RFX2: variants seen among roughly 807,000 people sequenced by gnomAD.
The protein encoded by RFX2 is DNA-binding protein RFX2.
Under a neutral mutation model 87.8 loss-of-function variants are expected in RFX2, and 20 were observed. The observed-to-expected ratio is 0.23, with a 90% CI of 0.16 to 0.33. The LOEUF (loss-of-function observed/expected upper bound fraction) is 0.33. Ranked by LOEUF, RFX2 falls within the 10% of genes least tolerant of loss-of-function variation. RFX2 has a pLI of 1.00. For synonymous variants in RFX2, 397 were observed against 431.3 expected (o/e 0.92, Z 0.98); for missense variants, 767 against 1,012.3 (o/e 0.76, Z 3.29).
Position 6,007,453 on chromosome 19 carries a change from G to A in RFX2, c.1247+237C>T, listed in dbSNP as rs138733676. Among the ~76,000 whole-genome samples, 10 of 152,294 alleles carry A rather than the reference G, an allele frequency of 6.6e-5. No homozygotes were observed. Among genetic ancestry groups the A allele is most frequent in the African/African-American group, 2.2e-4 (9 of 41,566 alleles). ...GTTGGGGTCACTTCTACTTGGGATT[G>A]CATCATGGTCACCTCTAAAATCCTC... On this transcript the variant is annotated intron_variant, in intron 11 of 17. Transcript: ENST00000303657. The surrounding 1 kb of genome is among the most constrained non-coding windows in gnomAD (Gnocchi z 8.2).
chr19:6,026,476 G>C lies in RFX2; in HGVS notation c.523-239C>G, dbSNP rs1389221542. On this transcript the variant is annotated intron_variant, in intron 5 of 17. Transcript: ENST00000303657. The surrounding 1 kb of genome is among the most constrained non-coding windows in gnomAD (Gnocchi z 4.5). ...GGTAAGCCCGAGAGCCCGTCCAACA[G>C]AAGCAGCAGAAATCATGTTGTAAAA... The C allele has an allele frequency of 5.3e-6, 3 of 571,058 alleles. No homozygotes were observed. The highest frequency in any genetic ancestry group is 4.6e-4 in the Middle Eastern group (1 of 2,158). The allele number at this position is 571,058 out of a possible 1,614,324, so 35.4% of individuals were successfully genotyped here.
rs2087346845 is a variant in RFX2, at chr19:6,056,602, C to T, written c.-8-9098G>A. On this transcript the variant is annotated intron_variant, in intron 1 of 17. Transcript: ENST00000303657. The surrounding 1 kb of genome is among the most constrained non-coding windows in gnomAD (Gnocchi z 4.6). ...GGGCACAGGGACGCACACTGTGGAG[C>T]ACCTTTGCAGCACCCAGTTTGGGAA... Among the ~76,000 whole-genome samples the T allele has an allele frequency of 6.6e-6, 1 of 152,146 alleles. No homozygotes were observed. Among genetic ancestry groups the T allele is most frequent in the Non-Finnish European group, 1.5e-5 (1 of 68,026 alleles).
At position 5,997,548 on chromosome 19, in the gene RFX2, G is replaced by A. The variant is rs1049669269; in HGVS notation, c.1860-335C>T. On this transcript the variant is annotated intron_variant, in intron 15 of 17. Transcript: ENST00000303657. The surrounding 1 kb of genome is among the most constrained non-coding windows in gnomAD (Gnocchi z 4.2). ...GGCGCTAGATGGGATCTTAGCTGGT[G>A]AGTCTTTCTAGTGACATTTCGGACT... is the stretch of plus-strand genomic sequence containing the variant. Among the ~76,000 whole-genome samples, 81 of 152,358 alleles carry A rather than the reference G, an allele frequency of 5.3e-4. No individual in the cohort carries two copies. The highest frequency in any genetic ancestry group is 1.7e-3 in the African/African-American group (71 of 41,586).
Position 6,002,015 on chromosome 19 carries a change from G to C in RFX2, c.1659C>G (p.Ala553=). 2 of 1,607,516 alleles carry C rather than the reference G, an allele frequency of 1.2e-6. No individual in the cohort carries two copies. Among genetic ancestry groups the C allele is most frequent in the Middle Eastern group, 1.7e-4 (1 of 5,918 alleles). ...TCTCCTCGCACTGGCACACCCACGA[G>C]GCCTGCTCCTGTGGGCAGGGCAGAG... ...RVDFANVQEQ[A]SWVCQCEESV... The change falls in exon 15 of 18, where the codon GCC becomes GCG. Residue 553 remains alanine, a synonymous_variant. Transcript: ENST00000303657. The surrounding 1 kb of genome is among the most constrained non-coding windows in gnomAD (Gnocchi z 6.7).
At chr19:6,031,424 T>C (rs927534165) in intron 5 of RFX2, among the ~76,000 whole-genome samples, 3 of 4,372 alleles carry the variant, frequency 6.9e-4, no homozygotes, top group Non-Finnish European at 2.1e-3. Context: ...TCTCCTTCCC[T>C]TTTTTTTTTT....
intron 6 of RFX2, among the ~76,000 whole-genome samples, chr19:6,025,344 G>C (rs1435726926): frequency 6.6e-6 from 1 of 152,146 alleles, no homozygotes; most frequent in Non-Finnish European, 1.5e-5. Flanking sequence ...CAAGAGACAA[G>C]GGGAGGAGAA....
intron 1 of RFX2, chr19:6,073,124 C>T: frequency 2.3e-6 from 1 of 444,138 alleles, no homozygotes; most frequent in Non-Finnish European, 4.1e-6. Flanking sequence ...GGATTACAGG[C>T]TCCCACCACC....
rs116727225 is a variant in RFX2, at chr19:6,039,339, G to A, written c.522+641C>T. Among the ~76,000 whole-genome samples, 2,535 of 152,322 alleles carry A rather than the reference G, an allele frequency of 0.017. 81 individuals carry two copies. Among genetic ancestry groups the A allele is most frequent in the African/African-American group, 0.058 (2,419 of 41,558 alleles). On this transcript the variant is annotated intron_variant, in intron 5 of 17. Coordinates refer to ENST00000303657, the MANE Select transcript of RFX2 (RefSeq NM_000635.4). This position sits in a 1 kb window ranked among gnomAD's most constrained non-coding sequence, Gnocchi z 5.2. ...GGTTGTGACTGCCAAGAAATACCAC[G>A]AGGGGGTTTTCAGGGCAATGCACTG...
At position 6,017,646 on chromosome 19, in the gene RFX2, CT is replaced by C. The variant is rs1455293244; in HGVS notation, c.598-1376del. Among the ~76,000 whole-genome samples the C allele has an allele frequency of 6.6e-6, 1 of 152,012 alleles. No homozygotes were observed. Among genetic ancestry groups the C allele is most frequent in the African/African-American group, 2.4e-5 (1 of 41,364 alleles). ...CCCCTTTGTGCGAGGCTGTCAGCTG[CT>C]TTGTCTAGGCTGAGCCCCGCTTCCA... On this transcript the variant is annotated intron_variant, in intron 6 of 17. Coordinates refer to ENST00000303657, the MANE Select transcript of RFX2 (RefSeq NM_000635.4). The surrounding 1 kb of genome is among the most constrained non-coding windows in gnomAD (Gnocchi z 4.1).
At chr19:6,104,598 G>A (rs2088181541) in intron 1 of RFX2, among the ~76,000 whole-genome samples, 1 of 151,748 alleles carries the variant, frequency 6.6e-6, no homozygotes, top group Admixed American at 6.6e-5. Flanking sequence ...TTAAGGGCAG[G>A]GTGTCGCTAT....
intron 1 of RFX2, among the ~76,000 whole-genome samples, chr19:6,108,645 C>T (rs754155905): frequency 2.6e-5 from 4 of 152,054 alleles, no homozygotes; most frequent in African/African-American, 2.4e-5. Context: ...TGATACAAAG[C>T]AGGAAAATAA....
intron 1 of RFX2, among the ~76,000 whole-genome samples, chr19:6,087,920 A>G (rs531919091): frequency 6.6e-6 from 1 of 152,006 alleles, no homozygotes; most frequent in African/African-American, 2.4e-5. Flanking sequence ...CAGGAGTCTC[A>G]CTCCTTACAT....
chr19:6,074,338 G>A lies in RFX2; in HGVS notation c.-8-26834C>T, dbSNP rs968393998. The stretch of plus-strand genomic sequence containing the variant: ...AGCCCCTTCCTAACCTCAAGTCAAC[G>A]AGAAGAGAAGGTGGGCTAGAACCTT... On this transcript the variant is annotated intron_variant, in intron 1 of 17. Coordinates refer to ENST00000303657, the MANE Select transcript of RFX2 (RefSeq NM_000635.4). This position sits in a 1 kb window ranked among gnomAD's most constrained non-coding sequence, Gnocchi z 5.2. Among the ~76,000 whole-genome samples, 2 of 152,158 alleles carry A rather than the reference G, an allele frequency of 1.3e-5. No homozygotes were observed. The highest frequency in any genetic ancestry group is 1.3e-4 in the Admixed American group (2 of 15,282).
At chr19:6,015,542 G>T (rs1047900369) in intron 7 of RFX2, among the ~76,000 whole-genome samples, 1 of 152,034 alleles carries the variant, frequency 6.6e-6, no homozygotes, top group Non-Finnish European at 1.5e-5. Flanking sequence ...AGGCTGGAGT[G>T]CAGTGGTGCA....
intron 1 of RFX2, among the ~76,000 whole-genome samples, chr19:6,107,160 G>C (rs1042267350): frequency 6.6e-6 from 1 of 152,094 alleles, no homozygotes; most frequent in African/African-American, 2.4e-5. Context: ...GCCGGGCGTG[G>C]TGGCAGGCGC....
At chr19:6,091,268 A>G (rs928544036) in intron 1 of RFX2, among the ~76,000 whole-genome samples, 3 of 152,060 alleles carry the variant, frequency 2.0e-5, no homozygotes, top group Non-Finnish European at 1.5e-5. Context: ...GAGGCTGGGG[A>G]TTGCTTGAAT....
intron 1 of RFX2, among the ~76,000 whole-genome samples, chr19:6,084,150 G>A (rs1165396456): frequency 6.6e-6 from 1 of 152,090 alleles, no homozygotes; most frequent in Admixed American, 6.5e-5. Flanking sequence ...TTAAGCGCAT[G>A]GAAACTAAAT....
chr19:6,057,878 T>C (rs2087367730), intron 1 of RFX2, among the ~76,000 whole-genome samples: 1 of 152,210 alleles, frequency 6.6e-6, no homozygotes, highest in Non-Finnish European at 1.5e-5. Context: ...GGCTCCCCTC[T>C]GAGGGCCAGG....
Position 6,026,387 on chromosome 19 carries a change from C to T in RFX2, c.523-150G>A. The T allele has an allele frequency of 4.4e-6, 3 of 686,240 alleles. No homozygotes were observed. Among genetic ancestry groups the T allele is most frequent in the Non-Finnish European group, 7.4e-6 (3 of 405,100 alleles). The allele number at this position is 686,240 out of a possible 1,614,324, so 42.5% of individuals were successfully genotyped here. On this transcript the variant is annotated intron_variant, in intron 5 of 17. Coordinates refer to ENST00000303657, the MANE Select transcript of RFX2 (RefSeq NM_000635.4). This position sits in a 1 kb window ranked among gnomAD's most constrained non-coding sequence, Gnocchi z 4.5. ...AAATAAAAATGAGGCTCCACGCAGG[C>T]AGGGCGGGGGTGAGTTAAATTGTGC...
Sources: allele counts gnomAD v4.1 joint callset (sites outside exome capture counted in the v4.1 genomes callset), GRCh38; gene constraint gnomAD v4.1.1; non-coding constraint Gnocchi (gnomAD v3.1); transcripts MANE v1.5; gene names NCBI Gene and HGNC (gene_info 2026-07-23, HGNC 2026-07-21).